ARHGAP22: variants seen among roughly 807,000 people sequenced by gnomAD.
ARHGAP22 encodes the protein rho GTPase-activating protein 22.
Under a neutral mutation model 59.1 loss-of-function variants are expected in ARHGAP22, and 48 were observed. That is an observed-to-expected ratio of 0.81 (90% CI 0.64 to 1.03). ARHGAP22 has a LOEUF of 1.03. Ranked by LOEUF, ARHGAP22 falls within the 50% of genes least tolerant of loss-of-function variation. ARHGAP22 has a pLI of 0.00. For synonymous variants in ARHGAP22, 445 were observed against 416.4 expected, an observed-to-expected ratio of 1.07 and a Z score of -0.84; for missense variants, 1,015 against 958.7, an observed-to-expected ratio of 1.06 and a Z score of -0.78.
intron 9 of ARHGAP22, among the ~76,000 whole-genome samples, chr10:48,447,228 G>A (rs2045447943): frequency 6.6e-6 from 1 of 152,340 alleles, no homozygotes; most frequent in African/African-American, 2.4e-5. Context: ...CTTCCATGCA[G>A]GCTCATGCTG....
Position 48,458,376 on chromosome 10 carries a change from C to T in ARHGAP22, c.659+1308G>A, listed in dbSNP as rs993729814. On this transcript the variant is annotated intron_variant, in intron 5 of 9. Coordinates refer to ENST00000249601, the MANE Select transcript of ARHGAP22 (RefSeq NM_021226.4). ...TCTCAAGGGGGCTTCAGCAGGCAGG[C>T]CAGGTGGAGAAAGGAGGCTGAGCAT... is the stretch of plus-strand genomic sequence containing the variant. 1.8e-4 allele frequency among the ~76,000 whole-genome samples: 28 copies of T among 152,094 alleles called. 1 individual carries two copies. The highest frequency in any genetic ancestry group is 6.8e-4 in the African/African-American group (28 of 41,404).
chr10:48,582,968 A>T lies in ARHGAP22; in HGVS notation c.219T>A (p.Asp73Glu), dbSNP rs376059568. 11 of 1,613,722 alleles carry T rather than the reference A, an allele frequency of 6.8e-6. No individual in the cohort carries two copies. In the African/African-American group the frequency reaches 1.2e-4, roughly 18 times the overall value. The change falls in exon 2 of 10, where the codon GAT becomes GAA. Residue 73 changes from aspartate (D) to glutamate (E), a missense_variant. Asp to Glu is a conservative substitution (Grantham distance 45, BLOSUM62 2). Transcript: ENST00000249601. ...GDQLFYYKDK[D>E]EIKPQGFISL... is the part of the protein sequence containing the mutation. ...CACTTCTCACCTGGGGCTTGATCTC[A>T]TCTTTGTCCTTGTAGTAGAAAAGCT...
At chr10:48,615,827 A>G (rs1161096236) in intron 1 of ARHGAP22, among the ~76,000 whole-genome samples, 1 of 152,162 alleles carries the variant, frequency 6.6e-6, no homozygotes. Flanking sequence ...GAAATTTAAG[A>G]GTTGGGAAAG....
intron 1 of ARHGAP22, among the ~76,000 whole-genome samples, chr10:48,592,974 T>C (rs2059854705): frequency 6.6e-6 from 1 of 152,246 alleles, no homozygotes; most frequent in South Asian, 2.1e-4. Context: ...TCTGACACTA[T>C]GGCCTATGAG....
intron 3 of ARHGAP22, among the ~76,000 whole-genome samples, chr10:48,539,537 C>A (rs1397790090): frequency 2.6e-5 from 4 of 151,788 alleles, no homozygotes; most frequent in African/African-American, 9.7e-5. Context: ...GTGATCCGCC[C>A]GCCTCGGCCT....
chr10:48,450,191 T>A, intron 9 of ARHGAP22, 70 bp downstream of exon 9: 1 of 1,552,774 alleles, frequency 6.4e-7, no homozygotes, highest in Non-Finnish European at 8.7e-7. Context: ...CCGACGCCCA[T>A]GTGCCAAGAG....
At chr10:48,649,264 G>T (rs2062449950) in intron 1 of ARHGAP22, among the ~76,000 whole-genome samples, 1 of 152,116 alleles carries the variant, frequency 6.6e-6, no homozygotes, top group African/African-American at 2.4e-5. Flanking sequence ...CCCTACCTGG[G>T]TTCTCACAAT....
At chr10:48,550,461 G>T (rs2056812878) in intron 3 of ARHGAP22, among the ~76,000 whole-genome samples, 1 of 152,184 alleles carries the variant, frequency 6.6e-6, no homozygotes, top group South Asian at 2.1e-4. Flanking sequence ...AGACTCTCTT[G>T]CTCCGAGGTG....
chr10:48,490,401 C>T (rs1480870844), intron 3 of ARHGAP22, among the ~76,000 whole-genome samples: 1 of 152,164 alleles, frequency 6.6e-6, no homozygotes, highest in Non-Finnish European at 1.5e-5. Flanking sequence ...CACTCCCTCC[C>T]TCCCAGGCTA....
At chr10:48,455,209 C>T (rs569879519) in intron 5 of ARHGAP22, 75 bp from the exon 6 acceptor site, 49 of 1,452,650 alleles carry the variant, frequency 3.4e-5, no homozygotes, top group Middle Eastern at 5.1e-4. Flanking sequence ...TACGCCCTGA[C>T]GCCAAGGGGC....
rs542280894 is a variant in ARHGAP22 at position 48,627,780 on chromosome 10, G to T, written c.52+24454C>A. 2.6e-5 allele frequency among the ~76,000 whole-genome samples: 4 copies of T among 152,328 alleles called. No individual in the cohort carries two copies. The East Asian group carries it at 7.7e-4, about 29-fold the overall frequency. On this transcript the variant is annotated intron_variant, in intron 1 of 9. Coordinates refer to the ARHGAP22 transcript ENST00000435790. Reference sequence around the variant, plus strand: ...GCATTCTCAGGGCCCCTGGATGAGGGTCACTTTGGGCCCGGCCTCTGGTGT... The same window carrying T: ...GCATTCTCAGGGCCCCTGGATGAGGTTCACTTTGGGCCCGGCCTCTGGTGT...
At chr10:48,573,556 G>A (rs569270990) in intron 2 of ARHGAP22, among the ~76,000 whole-genome samples, 6 of 152,334 alleles carry the variant, frequency 3.9e-5, no homozygotes, top group Admixed American at 6.5e-5. Flanking sequence ...AGCTCTGCAT[G>A]TTCAGGCAAT....
At position 48,500,217 on chromosome 10, in the gene ARHGAP22, AC is replaced by A. The variant is rs563633698; in HGVS notation, c.323-20454del. Among the ~76,000 whole-genome samples the A allele has an allele frequency of 1.7e-3, 262 of 152,250 alleles. 2 individuals carry two copies. The highest frequency in any genetic ancestry group is 1.5e-3 in the Admixed American group (23 of 15,296). ...AAATTAGCCACGTGTGGTGGCGCAC[AC>A]CTGTAATCCCAGCTATGCAGGAGGC... On this transcript the variant is annotated intron_variant, in intron 3 of 9. Transcript: ENST00000249601.
At position 48,479,726 on chromosome 10, in the gene ARHGAP22, C is replaced by A; in HGVS notation, c.361G>T (p.Glu121Ter). The A allele has an allele frequency of 6.2e-7, 1 of 1,601,890 alleles. No homozygotes were observed. Among genetic ancestry groups the A allele is most frequent in the Non-Finnish European group, 8.5e-7 (1 of 1,173,134 alleles). Residue 121 changes from glutamate to a stop codon, truncating the protein, a stop_gained, in exon 4 of 10, where the codon GAG (glutamate) becomes TAG (stop). Coordinates refer to ENST00000249601, the MANE Select transcript of ARHGAP22 (RefSeq NM_021226.4). LOFTEE classifies it high-confidence loss of function. ...GEREKVPANP[E>*]ALLLMASSQR... ...GAGCTGGCCATGAGCAGGAGCGCCTCGGGGTTGGCCGGCACCTTCTCCCGC... is the reference window on the plus strand; with the variant it reads ...GAGCTGGCCATGAGCAGGAGCGCCTAGGGGTTGGCCGGCACCTTCTCCCGC...
At chr10:48,444,914 G>A (rs963235017), downstream of ARHGAP22, 8 of 152,232 alleles carry the variant, frequency 5.3e-5, no homozygotes, top group Non-Finnish European at 1.0e-4. Context: ...TCACCCAGAC[G>A]GCTGGCTCGC....
chr10:48,643,527 C>T (rs2062149210), intron 1 of ARHGAP22, among the ~76,000 whole-genome samples: 1 of 151,256 alleles, frequency 6.6e-6, no homozygotes, highest in South Asian at 2.1e-4. Context: ...ATCGCATGTT[C>T]TCACTCATAG....
At chr10:48,585,086 A>T (rs773473584) in intron 1 of ARHGAP22, among the ~76,000 whole-genome samples, 8 of 152,078 alleles carry the variant, frequency 5.3e-5, no homozygotes, top group Non-Finnish European at 1.2e-4. Context: ...GTTGAGAGAG[A>T]AGCTGAGGCA....
At chr10:48,460,233 T>A (rs2047009875) in intron 4 of ARHGAP22, among the ~76,000 whole-genome samples, 1 of 152,160 alleles carries the variant, frequency 6.6e-6, no homozygotes, top group African/African-American at 2.4e-5. Flanking sequence ...TTGCAGTCAT[T>A]CCAAATGAGA....
At chr10:48,493,527 T>C in intron 3 of ARHGAP22, 1 of 1,533,734 alleles carries the variant, frequency 6.5e-7, no homozygotes, top group South Asian at 1.2e-5. Context: ...AGAGGAGCAG[T>C]GGCCAGACAC....
Sources: allele counts gnomAD v4.1 joint callset (sites outside exome capture counted in the v4.1 genomes callset), GRCh38; gene constraint gnomAD v4.1.1; transcripts MANE v1.5; gene names NCBI Gene and HGNC (gene_info 2026-07-23, HGNC 2026-07-21).